DENND5B: variants seen among roughly 807,000 people sequenced by gnomAD.
DENND5B encodes DENN domain containing 5B, also known as DENN domain-containing protein 5B.
DENND5B carries 34 observed loss-of-function variants against 140.6 expected under a neutral mutation model. The ratio of observed to expected loss-of-function variants is 0.24; its 90% confidence interval spans 0.18 to 0.32. The LOEUF (loss-of-function observed/expected upper bound fraction) is 0.32, where lower values mean the gene tolerates loss of function less well. DENND5B is among the 10% of genes least tolerant of loss of function. DENND5B has a pLI of 1.00. For missense variants in DENND5B, 1,142 were observed against 1,560.2 expected, an observed-to-expected ratio of 0.73 and a Z score of 4.52; for synonymous variants, 551 against 562.1, an observed-to-expected ratio of 0.98 and a Z score of 0.28.
chr12:31,437,857 T>C (rs77634314), intron 7 of DENND5B, among the ~76,000 whole-genome samples: 1,728 of 152,368 alleles, frequency 0.011, 19 homozygotes, highest in East Asian at 0.031. Flanking sequence ...AAAAACAAGA[T>C]GTGTGCACTC....
chr12:31,405,637 GC>G (rs1942087209), intron 14 of DENND5B, among the ~76,000 whole-genome samples: 1 of 149,914 alleles, frequency 6.7e-6, no homozygotes, highest in African/African-American at 2.5e-5. Flanking sequence ...AACCTCTGCC[GC>G]CCGGGTTCAA....
chr12:31,435,710 G>A lies in DENND5B; in HGVS notation c.2013-2462C>T, dbSNP rs1943719286. On this transcript the variant is annotated intron_variant, in intron 7 of 20. Transcript: ENST00000389082. ...GAGTCTTGTTCTGTCGCCCAGGCTGGAGTACAGTGGCAAGACCTCGGCTCA... is the reference window on the plus strand; with the variant it reads ...GAGTCTTGTTCTGTCGCCCAGGCTGAAGTACAGTGGCAAGACCTCGGCTCA... 2.6e-5 allele frequency among the ~76,000 whole-genome samples: 4 copies of A among 152,132 alleles called. No homozygotes were observed. In the South Asian group the frequency reaches 8.3e-4, roughly 32 times the overall value.
intron 3 of DENND5B, among the ~76,000 whole-genome samples, chr12:31,466,941 G>A (rs1393020625): frequency 6.6e-6 from 1 of 152,102 alleles, no homozygotes; most frequent in African/African-American, 2.4e-5. Context: ...GAGTTGAAAA[G>A]ACAGATTTCT....
chr12:31,453,175 T>G (rs1944617412), intron 4 of DENND5B, among the ~76,000 whole-genome samples: 1 of 152,140 alleles, frequency 6.6e-6, no homozygotes, highest in African/African-American at 2.4e-5. Context: ...CAGAAGTCAT[T>G]ATACCTAATG....
intron 1 of DENND5B, chr12:31,499,705 G>A: frequency 2.1e-6 from 3 of 1,416,548 alleles, no homozygotes; most frequent in Non-Finnish European, 1.8e-6. Context: ...AAAGCTTTAT[G>A]AACAAATAAA....
chr12:31,587,120 G>A (rs181096369), intron 1 of DENND5B, among the ~76,000 whole-genome samples: 3 of 152,132 alleles, frequency 2.0e-5, no homozygotes, highest in East Asian at 1.9e-4. Context: ...AATCATTTGC[G>A]TGTCCTCCTC....
intron 1 of DENND5B, among the ~76,000 whole-genome samples, chr12:31,509,449 C>T (rs895252190): frequency 1.3e-5 from 2 of 152,166 alleles, no homozygotes; most frequent in African/African-American, 4.8e-5. Flanking sequence ...ACTTGGGAGG[C>T]TACAGCAGGA....
At chr12:31,450,722 G>A (rs1304383813) in intron 5 of DENND5B, among the ~76,000 whole-genome samples, 1 of 152,136 alleles carries the variant, frequency 6.6e-6, no homozygotes, top group Middle Eastern at 3.4e-3. Context: ...TTAGCCTCTT[G>A]GAATGTATCA....
intron 2 of DENND5B, among the ~76,000 whole-genome samples, chr12:31,482,555 C>G (rs1591888259): frequency 6.6e-6 from 1 of 152,104 alleles, no homozygotes; most frequent in East Asian, 1.9e-4. Context: ...AAAATACATG[C>G]AGAAACTAAT....
At chr12:31,459,149 G>A (rs1474408710) in intron 4 of DENND5B, among the ~76,000 whole-genome samples, 1 of 151,502 alleles carries the variant, frequency 6.6e-6, no homozygotes, top group Admixed American at 6.6e-5. Context: ...GAGGCGGTGA[G>A]CCAAGATCCC....
intron 1 of DENND5B, among the ~76,000 whole-genome samples, chr12:31,573,024 T>C (rs894817609): frequency 2.0e-5 from 3 of 152,224 alleles, no homozygotes; most frequent in Admixed American, 1.3e-4. Context: ...AAGCTTTATA[T>C]GTTGCTGTGT....
chr12:31,590,752 C>T lies in DENND5B; in HGVS notation c.81G>A (p.Leu27=), dbSNP rs1321926261. 1 of 1,467,046 alleles carries T rather than the reference C, an allele frequency of 6.8e-7. No homozygotes were observed. The highest frequency in any genetic ancestry group is 9.0e-7 in the Non-Finnish European group (1 of 1,114,552). The allele number at this position is 1,467,046 out of a possible 1,614,324, so 90.9% of individuals were successfully genotyped here. A position where few individuals can be genotyped will look rare whatever the true frequency, so the allele number is the denominator to read the frequency against. The change falls in exon 1 of 21, where the codon CTG becomes CTA. Residue 27 remains leucine (L), a synonymous_variant. Coordinates refer to ENST00000389082, the MANE Select transcript of DENND5B (RefSeq NM_144973.4). ...AACRFAHYFV[L]CGIDADSGLE... ...GCCCGCTGTCCGCGTCGATCCCGCACAGCACGAAGTAGTGCGCGAAGCGGC... is the reference window on the plus strand; with the variant it reads ...GCCCGCTGTCCGCGTCGATCCCGCATAGCACGAAGTAGTGCGCGAAGCGGC...
intron 3 of DENND5B, among the ~76,000 whole-genome samples, chr12:31,476,967 G>GCCGGTAATCC (rs1336723096): frequency 6.6e-6 from 1 of 152,084 alleles, no homozygotes; most frequent in Non-Finnish European, 1.5e-5. Flanking sequence ...AGTGGCTCAC[G>GCCGGTAATCC]CCGGTAATCC....
At chr12:31,576,428 C>G (rs956971918) in intron 1 of DENND5B, among the ~76,000 whole-genome samples, 1 of 151,502 alleles carries the variant, frequency 6.6e-6, no homozygotes, top group African/African-American at 2.4e-5. Context: ...TGCACTCCAG[C>G]CTGGGAGACA....
chr12:31,560,802 A>G (rs1430102221), intron 1 of DENND5B, among the ~76,000 whole-genome samples: 1 of 152,172 alleles, frequency 6.6e-6, no homozygotes, highest in Non-Finnish European at 1.5e-5. Context: ...CTTGATGTTT[A>G]CTTTGGGATA....
intron 1 of DENND5B, among the ~76,000 whole-genome samples, chr12:31,505,239 CTTTTT>C (rs200931111): frequency 2.3e-5 from 3 of 129,126 alleles, no homozygotes; most frequent in Non-Finnish European, 3.3e-5. Context: ...CAGAATTTGC[CTTTTT>C]TTTTTTTTTT....
chr12:31,420,418 T>TTC (rs1942965757), intron 11 of DENND5B, among the ~76,000 whole-genome samples: 1 of 150,930 alleles, frequency 6.6e-6, no homozygotes, highest in Non-Finnish European at 1.5e-5. Context: ...ATTACAGAAC[T>TTC]GGGTCACCAT....
Position 31,460,378 on chromosome 12 carries a change from T to A in DENND5B, c.908A>T (p.Tyr303Phe). ...TTCTGCCACAGTCATCAGGCGTTGA[T>A]AATCTGCACAGAACAAGGAAAAAGG... ...EMQILLYSQD[Y>F]QRLMTVAEGI... The change falls in exon 4 of 21, where the codon TAT (tyrosine) becomes TTT (phenylalanine). Residue 303 changes from tyrosine to phenylalanine, a missense_variant. Physicochemically the swap from Tyr to Phe is conservative, Grantham distance 22. Around this residue, in one of 5 missense-constraint regions of DENND5B, gnomAD observed 708 missense variants for 905.5 expected, o/e 0.78. Coordinates refer to ENST00000389082, the MANE Select transcript of DENND5B (RefSeq NM_144973.4). 6.2e-7 allele frequency: 1 copy of A among 1,613,678 alleles called. No homozygotes were observed. The highest frequency in any genetic ancestry group is 8.5e-7 in the Non-Finnish European group (1 of 1,179,768).
rs1013451801 is a variant in DENND5B, at chr12:31,585,188, G to A, written c.127+5518C>T. 3.3e-5 allele frequency among the ~76,000 whole-genome samples: 5 copies of A among 152,152 alleles called. No individual in the cohort carries two copies. In the South Asian group the frequency reaches 8.3e-4, roughly 25 times the overall value. ...AATCAAATTTCAACATGAGGTTTGG[G>A]GACAAAGAGCCAAACTAGCACACAG... On this transcript the variant is annotated intron_variant, in intron 1 of 20. Coordinates refer to ENST00000389082, the MANE Select transcript of DENND5B (RefSeq NM_144973.4).
Sources: gnomAD v4.1 joint callset for allele counts (sites outside exome capture counted in the v4.1 genomes callset) on GRCh38, gnomAD v4.1.1 for gene constraint, gnomAD v4.1.1 regional missense constraint, MANE v1.5 for transcripts, NCBI Gene and HGNC (gene_info 2026-07-23, HGNC 2026-07-21) for gene names.